Variants in NEURL1B observed in about 807,000 individuals in gnomAD.
The protein encoded by NEURL1B is E3 ubiquitin-protein ligase NEURL1B.
In NEURL1B, 13 loss-of-function variants were observed where a neutral mutation model predicts 37.4. The ratio of observed to expected loss-of-function variants is 0.35; its 90% CI spans 0.23 to 0.55. The LOEUF (loss-of-function observed/expected upper bound fraction) is 0.55. Among genes scored for constraint, NEURL1B ranks in the 20% least tolerant of loss-of-function variants. NEURL1B has a pLI of 0.89. For missense variants in NEURL1B, 790 were observed against 879.2 expected, an observed-to-expected ratio of 0.90 and a Z score of 1.28; for synonymous variants, 432 against 426.6, an observed-to-expected ratio of 1.01 and a Z score of -0.16.
In NEURL1B at chr5:172,647,486, G is replaced by A. The variant is rs1757580686; in HGVS notation, c.31+6049G>A. Among the ~76,000 whole-genome samples the A allele has an allele frequency of 6.6e-6, 1 of 151,942 alleles. No homozygotes were observed. On this transcript the variant is annotated intron_variant, in intron 1 of 4. Transcript: ENST00000369800. This position sits in a 1 kb window ranked among gnomAD's most constrained non-coding sequence, Gnocchi z 4.2. The stretch of plus-strand genomic sequence containing the variant: ...TGGCCAGGAAGTGGCAGAGTGAATT[G>A]GATCCCAGGCACGCTGGGCTCCACA...
intron 2 of NEURL1B, among the ~76,000 whole-genome samples, chr5:172,672,934 C>T (rs1262029036): frequency 6.6e-6 from 1 of 152,104 alleles, no homozygotes; most frequent in Non-Finnish European, 1.5e-5. Flanking sequence ...ATTGCTTTTA[C>T]AGTCAGAAAG....
Position 172,683,647 on chromosome 5 carries a change from C to T in NEURL1B, c.806C>T (p.Pro269Leu), listed in dbSNP as rs1295884555. Residue 269 changes from proline (P) to leucine (L), a missense_variant, in exon 3 of 5, where the codon CCC becomes CTC. Pro to Leu is a moderately conservative substitution (Grantham distance 98). This residue lies in a region of NEURL1B where 460 missense variants were observed against 407.4 expected (regional missense o/e 1.13). Transcript: ENST00000369800. The surrounding 1 kb of genome is among the most constrained non-coding windows in gnomAD (Gnocchi z 5.6). ...TGCGGGCCCCGTGAGCGCCCGCGGC[C>T]CGCGTCGTCGCCGGCGCTACTGGAG... ...IPCGPRERPR[P>L]ASSPALLEAD... The T allele has an allele frequency of 9.6e-6, 12 of 1,249,978 alleles. No individual in the cohort carries two copies. The highest frequency in any genetic ancestry group is 4.4e-5 in the East Asian group (1 of 22,960). 77.4% of individuals were successfully genotyped at this position (1,249,978 alleles called of 1,614,324 possible). A position where few individuals can be genotyped will look rare whatever the true frequency, so the allele number is the denominator to read the frequency against.
intron 2 of NEURL1B, among the ~76,000 whole-genome samples, chr5:172,672,665 C>T: frequency 6.6e-6 from 1 of 152,082 alleles, no homozygotes; most frequent in Non-Finnish European, 1.5e-5. Flanking sequence ...CTCAGCTTCC[C>T]TTATCTACAA....
At position 172,675,813 on chromosome 5, in the gene NEURL1B, G is replaced by C. The variant is rs556063505; in HGVS notation, c.577+5483G>C. Among the ~76,000 whole-genome samples, 1 of 152,300 alleles carries C rather than the reference G, an allele frequency of 6.6e-6. No individual in the cohort carries two copies. Among genetic ancestry groups the C allele is most frequent in the African/African-American group, 2.4e-5 (1 of 41,562 alleles). On this transcript the variant is annotated intron_variant, in intron 2 of 4. Coordinates refer to ENST00000369800, the MANE Select transcript of NEURL1B (RefSeq NM_001142651.3). The surrounding 1 kb of genome is among the most constrained non-coding windows in gnomAD (Gnocchi z 4.7). ...TCACTGTTGATGATTCTAGATTAGT[G>C]TTTTTTCATGTTTTGTGCCCAAAAA...
In NEURL1B at chr5:172,641,523, A is replaced by G; in HGVS notation, c.31+86A>G. On this transcript the variant is annotated intron_variant, in intron 1 of 4. Coordinates refer to ENST00000369800, the MANE Select transcript of NEURL1B (RefSeq NM_001142651.3). The surrounding 1 kb of genome is among the most constrained non-coding windows in gnomAD (Gnocchi z 6.4). Reference sequence around the variant, plus strand: ...CTGGGTGACTCTGGAGAGCTACCCCACGGCCCTTGGAGCCCTCGGCTCGCA... The same window carrying G: ...CTGGGTGACTCTGGAGAGCTACCCCGCGGCCCTTGGAGCCCTCGGCTCGCA... The G allele has an allele frequency of 2.7e-6, 3 of 1,128,774 alleles. No individual in the cohort carries two copies. Among genetic ancestry groups the G allele is most frequent in the Non-Finnish European group, 3.4e-6 (3 of 889,790 alleles). 69.9% of individuals were successfully genotyped at this position (1,128,774 alleles called of 1,614,324 possible). A position where few individuals can be genotyped will look rare whatever the true frequency, so the allele number is the denominator to read the frequency against.
rs999493236 is a variant in NEURL1B at position 172,689,468 on chromosome 5, C to T, written c.*2543C>T. 4.6e-5 allele frequency: 7 copies of T among 152,170 alleles called. No homozygotes were observed. The highest frequency in any genetic ancestry group is 1.7e-4 in the African/African-American group (7 of 41,432). 9.4% of individuals were successfully genotyped at this position (152,170 alleles called of 1,614,324 possible). On this transcript the variant is annotated 3_prime_UTR_variant, in exon 5 of 5. Coordinates refer to ENST00000369800, the MANE Select transcript of NEURL1B (RefSeq NM_001142651.3). Reference sequence around the variant, plus strand: ...CTGTTTTACATACCATAGGGAAAAACGCTGCCAATCTTAACTAAGATGCTA... The same window carrying T: ...CTGTTTTACATACCATAGGGAAAAATGCTGCCAATCTTAACTAAGATGCTA...
Position 172,686,997 on chromosome 5 carries a change from T to C in NEURL1B, c.*72T>C. 6.7e-7 allele frequency: 1 copy of C among 1,486,042 alleles called. No individual in the cohort carries two copies. Among genetic ancestry groups the C allele is most frequent in the Non-Finnish European group, 9.0e-7 (1 of 1,105,238 alleles). The allele number at this position is 1,486,042 out of a possible 1,614,324, so 92.1% of individuals were successfully genotyped here. A position where few individuals can be genotyped will look rare whatever the true frequency, so the allele number is the denominator to read the frequency against. On this transcript the variant is annotated 3_prime_UTR_variant, in exon 5 of 5. Coordinates refer to ENST00000369800, the MANE Select transcript of NEURL1B (RefSeq NM_001142651.3). This position sits in a 1 kb window ranked among gnomAD's most constrained non-coding sequence, Gnocchi z 7.9. ...AGGCCCCCTGGGCTGGGCAACCACA[T>C]GGCTGCCAGGGAGTCCACGGGCAGC... is the stretch of plus-strand genomic sequence containing the variant.
At position 172,651,861 on chromosome 5, in the gene NEURL1B, G is replaced by A. The variant is rs548328061; in HGVS notation, c.31+10424G>A. 2.0e-5 allele frequency among the ~76,000 whole-genome samples: 3 copies of A among 152,354 alleles called. No homozygotes were observed. In the South Asian group the frequency reaches 6.2e-4, roughly 32 times the overall value. ...ATCTAAATAGACGTGAGAGTCAAAA[G>A]ACCTGTAAGGGCTTCTCTTGCTTTA... On this transcript the variant is annotated intron_variant, in intron 1 of 4. Transcript: ENST00000369800.
chr5:172,686,997 T>G lies in NEURL1B; in HGVS notation c.*72T>G. ...AGGCCCCCTGGGCTGGGCAACCACA[T>G]GGCTGCCAGGGAGTCCACGGGCAGC... On this transcript the variant is annotated 3_prime_UTR_variant, in exon 5 of 5. Coordinates refer to ENST00000369800, the MANE Select transcript of NEURL1B (RefSeq NM_001142651.3). The surrounding 1 kb of genome is among the most constrained non-coding windows in gnomAD (Gnocchi z 7.9). The G allele has an allele frequency of 6.7e-7, 1 of 1,486,042 alleles. No individual in the cohort carries two copies. Among genetic ancestry groups the G allele is most frequent in the Non-Finnish European group, 9.0e-7 (1 of 1,105,238 alleles). 92.1% of individuals were successfully genotyped at this position (1,486,042 alleles called of 1,614,324 possible). A position where few individuals can be genotyped will look rare whatever the true frequency, so the allele number is the denominator to read the frequency against.
chr5:172,678,462 G>A (rs925561000), intron 2 of NEURL1B, among the ~76,000 whole-genome samples: 15 of 152,108 alleles, frequency 9.9e-5, no homozygotes, highest in African/African-American at 3.4e-4. Context: ...GAACATGCTC[G>A]GACACAACTC....
chr5:172,668,497 T>C (rs904390636), intron 1 of NEURL1B, among the ~76,000 whole-genome samples: 8 of 152,130 alleles, frequency 5.3e-5, no homozygotes, highest in Non-Finnish European at 1.2e-4. Flanking sequence ...TCATTGCCTC[T>C]CCCTCTTCAT....
At chr5:172,666,497 G>A (rs1758018542) in intron 1 of NEURL1B, among the ~76,000 whole-genome samples, 1 of 152,200 alleles carries the variant, frequency 6.6e-6, no homozygotes, top group Non-Finnish European at 1.5e-5. Context: ...ACCTGGCTTA[G>A]AGCAGAAGAG....
At chr5:172,673,143 T>A (rs1283123754) in intron 2 of NEURL1B, among the ~76,000 whole-genome samples, 5 of 152,202 alleles carry the variant, frequency 3.3e-5, no homozygotes, top group African/African-American at 4.8e-5. Flanking sequence ...GGAAAAATGT[T>A]GTAATAAAAA....
chr5:172,665,837 G>A lies in NEURL1B; in HGVS notation c.32-3948G>A, dbSNP rs966200991. Reference sequence around the variant, plus strand: ...CCTCCTCCAGGCCCCTAGTCCCCCCGGTGCCATCGCCTGAGATGGTCTTTA... The same window carrying A: ...CCTCCTCCAGGCCCCTAGTCCCCCCAGTGCCATCGCCTGAGATGGTCTTTA... On this transcript the variant is annotated intron_variant, in intron 1 of 4. Coordinates refer to ENST00000369800, the MANE Select transcript of NEURL1B (RefSeq NM_001142651.3). The surrounding 1 kb of genome is among the most constrained non-coding windows in gnomAD (Gnocchi z 4.1). Among the ~76,000 whole-genome samples, 7 of 152,076 alleles carry A rather than the reference G, an allele frequency of 4.6e-5. No individual in the cohort carries two copies. The highest frequency in any genetic ancestry group is 1.7e-4 in the African/African-American group (7 of 41,392).
chr5:172,685,856 C>CT (rs1758482373), intron 3 of NEURL1B, among the ~76,000 whole-genome samples: 1 of 152,204 alleles, frequency 6.6e-6, no homozygotes, highest in Non-Finnish European at 1.5e-5. Context: ...TGTGCCCTTT[C>CT]CTGAACCACC....
rs1435806011 is a variant in NEURL1B, at chr5:172,683,378, G to A, written c.578-41G>A. ...GAGGGGCTCGCGACCAGCCTGACGC[G>A]CGGCCTCTCCCCCTCCATGTCCCTC... is the stretch of plus-strand genomic sequence containing the variant. On this transcript the variant is annotated intron_variant, in intron 2 of 4. Transcript: ENST00000369800. This position sits in a 1 kb window ranked among gnomAD's most constrained non-coding sequence, Gnocchi z 5.6. The A allele has an allele frequency of 4.3e-5, 55 of 1,280,712 alleles. No homozygotes were observed. The highest frequency in any genetic ancestry group is 5.3e-5 in the Non-Finnish European group (54 of 1,009,678). The allele number at this position is 1,280,712 out of a possible 1,614,324, so 79.3% of individuals were successfully genotyped here.
chr5:172,657,301 G>A lies in NEURL1B; in HGVS notation c.32-12484G>A, dbSNP rs1435442616. 1.3e-5 allele frequency among the ~76,000 whole-genome samples: 2 copies of A among 152,170 alleles called. No homozygotes were observed. The highest frequency in any genetic ancestry group is 2.4e-5 in the African/African-American group (1 of 41,438). On this transcript the variant is annotated intron_variant, in intron 1 of 4. Transcript: ENST00000369800. The surrounding 1 kb of genome is among the most constrained non-coding windows in gnomAD (Gnocchi z 4.0). ...CGCCAGAACTTAGGACACATGGGATGGAGATTCTAATCAGGGCTCCTGTGG... is the reference window on the plus strand; with the variant it reads ...CGCCAGAACTTAGGACACATGGGATAGAGATTCTAATCAGGGCTCCTGTGG...
At chr5:172,652,392 C>T (rs139822975) in intron 1 of NEURL1B, among the ~76,000 whole-genome samples, 68 of 152,346 alleles carry the variant, frequency 4.5e-4, no homozygotes, top group African/African-American at 1.4e-3. Flanking sequence ...AACGTGCAGA[C>T]GGAATATTTG....
rs1757468787 is a variant in NEURL1B, at chr5:172,641,927, C to T, written c.31+490C>T. On this transcript the variant is annotated intron_variant, in intron 1 of 4. Transcript: ENST00000369800. The surrounding 1 kb of genome is among the most constrained non-coding windows in gnomAD (Gnocchi z 6.4). The stretch of plus-strand genomic sequence containing the variant: ...CGCCCCCGCGGCACATGCTGCCGTG[C>T]TTTGGCCACGTTCCCACGCGCACCC... Among the ~76,000 whole-genome samples the T allele has an allele frequency of 6.6e-6, 1 of 152,190 alleles. No individual in the cohort carries two copies. Among genetic ancestry groups the T allele is most frequent in the Non-Finnish European group, 1.5e-5 (1 of 68,018 alleles).
Sources: allele counts gnomAD v4.1 joint callset (sites outside exome capture counted in the v4.1 genomes callset), GRCh38; gene constraint gnomAD v4.1.1; regional missense constraint gnomAD v4.1.1; non-coding constraint Gnocchi (gnomAD v3.1); transcripts MANE v1.5; gene names NCBI Gene and HGNC (gene_info 2026-07-23, HGNC 2026-07-21).